ZNF346: variants seen among roughly 807,000 people sequenced by gnomAD.
ZNF346 encodes the protein double-stranded RNA-binding zinc finger protein JAZ.
A neutral mutation model predicts 33.7 loss-of-function variants in ZNF346; 23 were observed. The ratio of observed to expected loss-of-function variants is 0.68; its 90% confidence interval spans 0.49 to 0.97. The LOEUF (loss-of-function observed/expected upper bound fraction) is 0.97. Ranked by LOEUF, ZNF346 falls within the 50% of genes least tolerant of loss-of-function variation. ZNF346 has a pLI of 0.00. For missense variants in ZNF346, 340 were observed against 371.1 expected (o/e 0.92, Z 0.69); for synonymous variants, 134 against 142.4 (o/e 0.94, Z 0.42).
At chr5:177,034,973 T>C (rs353489) in intron 1 of ZNF346, among the ~76,000 whole-genome samples, 87,859 of 151,926 alleles carry the variant, frequency 0.58, 27,157 homozygotes, top group African/African-American at 0.81. Flanking sequence ...CAACCTAGTA[T>C]CATACTTTCA....
chr5:177,076,763 G>C (rs551092361), intron 8 of ZNF346, among the ~76,000 whole-genome samples: 1 of 152,124 alleles, frequency 6.6e-6, no homozygotes, highest in Admixed American at 6.5e-5. Context: ...TCGTTGAGCC[G>C]GGCGTGGTGG....
At chr5:177,038,591 A>G (rs1778887853) in intron 1 of ZNF346, among the ~76,000 whole-genome samples, 1 of 151,774 alleles carries the variant, frequency 6.6e-6, no homozygotes, top group African/African-American at 2.4e-5. Context: ...ACGTATTATA[A>G]ATATATTTGT....
At chr5:177,075,044 C>T (rs900888246) in intron 8 of ZNF346, among the ~76,000 whole-genome samples, 5 of 148,672 alleles carry the variant, frequency 3.4e-5, no homozygotes, top group Admixed American at 2.0e-4. Flanking sequence ...CCAACCTGGG[C>T]GACAGAGCAA....
At chr5:177,054,071 T>C (rs1781340335) in intron 5 of ZNF346, among the ~76,000 whole-genome samples, 1 of 134,676 alleles carries the variant, frequency 7.4e-6, no homozygotes, top group Non-Finnish European at 1.6e-5. Context: ...TGTTTACTTC[T>C]GGAATTTTTT....
At chr5:177,035,726 C>T (rs1343353233) in intron 1 of ZNF346, among the ~76,000 whole-genome samples, 2 of 150,532 alleles carry the variant, frequency 1.3e-5, no homozygotes, top group South Asian at 2.1e-4. Flanking sequence ...ACCTCCGCCT[C>T]CTGGGTTCAA....
rs528150769 is a variant in ZNF346, at chr5:177,064,650, C to T, written c.*51C>T. The T allele has an allele frequency of 1.8e-4, 257 of 1,439,184 alleles. No individual in the cohort carries two copies. The South Asian group carries it at 2.0e-3, about 11-fold the overall frequency. The allele number at this position is 1,439,184 out of a possible 1,614,324, so 89.2% of individuals were successfully genotyped here. A position where few individuals can be genotyped will look rare whatever the true frequency, so the allele number is the denominator to read the frequency against. On this transcript the variant is annotated 3_prime_UTR_variant, in exon 7 of 7. Coordinates refer to ENST00000358149, the MANE Select transcript of ZNF346 (RefSeq NM_012279.4). The stretch of plus-strand genomic sequence containing the variant: ...TTGGGCCAGCCATGAGCCAGCTTCC[C>T]GTGACTGCTCAGCCCTTGGCTCCCT...
rs1389223671 is a variant in ZNF346 at position 177,064,611 on chromosome 5, C to G, written c.*12C>G. 3.1e-6 allele frequency: 5 copies of G among 1,608,742 alleles called. No individual in the cohort carries two copies. Among genetic ancestry groups the G allele is most frequent in the Non-Finnish European group, 4.3e-6 (5 of 1,175,092 alleles). On this transcript the variant is annotated 3_prime_UTR_variant, in exon 7 of 7. Coordinates refer to ENST00000358149, the MANE Select transcript of ZNF346 (RefSeq NM_012279.4). Reference sequence around the variant, plus strand: ...CCTTGGAAGACTAGAGGTGATTCTGCCCAGCATCCCATATTGGGCCAGCCA... The same window carrying G: ...CCTTGGAAGACTAGAGGTGATTCTGGCCAGCATCCCATATTGGGCCAGCCA...
At chr5:177,076,025 G>C (rs556062896) in intron 8 of ZNF346, among the ~76,000 whole-genome samples, 5 of 151,972 alleles carry the variant, frequency 3.3e-5, no homozygotes, top group African/African-American at 9.6e-5. Context: ...CCGTTGCCCA[G>C]GCTGGTCTCA....
At chr5:177,050,092 C>T (rs1780651554) in intron 4 of ZNF346, among the ~76,000 whole-genome samples, 1 of 152,198 alleles carries the variant, frequency 6.6e-6, no homozygotes, top group South Asian at 2.1e-4. Flanking sequence ...GCCTTGGCCT[C>T]CTGAAGTGCT....
At chr5:177,052,594 C>T (rs1420357868) in intron 5 of ZNF346, 1 of 152,098 alleles carries the variant, frequency 6.6e-6, no homozygotes, top group Non-Finnish European at 1.5e-5. Context: ...TCTGATAGTT[C>T]TTACTTTGTA....
Position 177,077,788 on chromosome 5 carries a change from G to C in ZNF346, c.*3-1594G>C, listed in dbSNP as rs764598365. ...GACATCAAGAAAAGTTTGAGGGGTCGTTACCAGAGAGAGGAAAAGGGTTTT... is the reference window on the plus strand; with the variant it reads ...GACATCAAGAAAAGTTTGAGGGGTCCTTACCAGAGAGAGGAAAAGGGTTTT... On this transcript the variant is annotated intron_variant, in intron 8 of 8. Transcript: ENST00000503039. This position sits in a 1 kb window ranked among gnomAD's most constrained non-coding sequence, Gnocchi z 5.0. Among the ~76,000 whole-genome samples the C allele has an allele frequency of 3.3e-5, 5 of 152,164 alleles. No homozygotes were observed. The highest frequency in any genetic ancestry group is 5.9e-5 in the Non-Finnish European group (4 of 68,040).
At chr5:177,063,382 G>A (rs1337714892) in intron 6 of ZNF346, among the ~76,000 whole-genome samples, 4 of 152,228 alleles carry the variant, frequency 2.6e-5, no homozygotes, top group South Asian at 2.1e-4. Flanking sequence ...AATGTCCTTA[G>A]TTCTCTCTGC....
chr5:177,047,510 G>GT (rs1184049229), intron 4 of ZNF346, among the ~76,000 whole-genome samples: 1 of 151,026 alleles, frequency 6.6e-6, no homozygotes, highest in Non-Finnish European at 1.5e-5. Flanking sequence ...GGCTAATGTT[G>GT]TTTTTTTGTT....
intron 1 of ZNF346, chr5:177,023,222 C>T: frequency 6.5e-7 from 1 of 1,536,390 alleles, no homozygotes. Flanking sequence ...GACCTACAGT[C>T]TTTGCCATCC....
intron 3 of ZNF346, among the ~76,000 whole-genome samples, chr5:177,043,301 T>G (rs1779604022): frequency 6.6e-6 from 1 of 152,112 alleles, no homozygotes; most frequent in African/African-American, 2.4e-5. Context: ...ACCTGGCCCT[T>G]TTCTCACAAT....
Position 177,064,510 on chromosome 5 carries a change from A to G in ZNF346, c.798-2A>G. The G allele has an allele frequency of 2.5e-6, 4 of 1,613,674 alleles. No homozygotes were observed. Among genetic ancestry groups the G allele is most frequent in the Non-Finnish European group, 3.4e-6 (4 of 1,179,526 alleles). ...TCTTCCTTTGTTCCTTCTCAAATACAGGTCACCAAAAACAGTGGCATCATC... is the reference window on the plus strand; with the variant it reads ...TCTTCCTTTGTTCCTTCTCAAATACGGGTCACCAAAAACAGTGGCATCATC... On this transcript the variant is annotated splice_acceptor_variant, in intron 6 of 6. Transcript: ENST00000358149. LOFTEE classifies it high-confidence loss of function.
intron 1 of ZNF346, among the ~76,000 whole-genome samples, chr5:177,029,892 G>A (rs1055117068): frequency 6.6e-6 from 1 of 152,180 alleles, no homozygotes; most frequent in Non-Finnish European, 1.5e-5. Flanking sequence ...CAGAAGTAGG[G>A]CTCAGTCTTG....
intron 6 of ZNF346, among the ~76,000 whole-genome samples, chr5:177,064,280 T>C (rs1782914725): frequency 1.3e-5 from 2 of 152,250 alleles, no homozygotes; most frequent in Non-Finnish European, 2.9e-5. Flanking sequence ...TTCTGAACTT[T>C]AGTTTCCTTG....
rs1197318386 is a variant in ZNF346, at chr5:177,080,989, TC to T, written c.*1613del. 4 of 152,096 alleles carry T rather than the reference TC, an allele frequency of 2.6e-5. No homozygotes were observed. In the East Asian group the frequency reaches 7.7e-4, roughly 29 times the overall value. 9.4% of individuals were successfully genotyped at this position (152,096 alleles called of 1,614,324 possible). ...CAGGTGCGGTGGCTCAAGCCTGTAC[TC>T]CCAGCACTTTTGGAGGCCGAGACAG... On this transcript the variant is annotated 3_prime_UTR_variant, in exon 9 of 9. Transcript: ENST00000503039.
Sources: allele counts gnomAD v4.1 joint callset (sites outside exome capture counted in the v4.1 genomes callset), GRCh38; gene constraint gnomAD v4.1.1; non-coding constraint Gnocchi (gnomAD v3.1); transcripts MANE v1.5; gene names NCBI Gene and HGNC (gene_info 2026-07-23, HGNC 2026-07-21).